Variants in ZNF846 observed in about 807,000 individuals in gnomAD.
The protein encoded by ZNF846 is zinc finger protein 420 pseudogene.
A neutral mutation model predicts 16.0 loss-of-function variants in ZNF846; 15 were observed. That is an observed-to-expected ratio of 0.94 (90% CI 0.63 to 1.45). The LOEUF (loss-of-function observed/expected upper bound fraction) is 1.45, where lower values mean the gene tolerates loss of function less well. ZNF846 is among the 40% of genes most tolerant of loss of function. The pLI is 0.00. For missense variants in ZNF846, 714 were observed against 622.3 expected (o/e 1.15, Z -1.57); for synonymous variants, 229 against 212.0 (o/e 1.08, Z -0.70).
At chr19:9,767,918 A>C (rs1420502813) in intron 1 of ZNF846, among the ~76,000 whole-genome samples, 1 of 152,156 alleles carries the variant, frequency 6.6e-6, no homozygotes, top group Non-Finnish European at 1.5e-5. Context: ...GGGCAATAAG[A>C]GCGAAACTCC....
chr19:9,758,725 G>C, exon 6 of ZNF846: 1 of 1,598,454 alleles, frequency 6.3e-7, no homozygotes, highest in Non-Finnish European at 8.5e-7. Context: ...TTTCCAGAAT[G>C]GTTAGAGTCA....
chr19:9,763,582 A>T, intron 2 of ZNF846, 174 bp from the exon 3 acceptor site: 1 of 469,958 alleles, frequency 2.1e-6, no homozygotes, highest in Non-Finnish European at 3.7e-6. Context: ...TGGACTTATC[A>T]GCATCACTGA....
At chr19:9,753,816 G>T (rs544067141), downstream of ZNF846, among the ~76,000 whole-genome samples, 1 of 151,694 alleles carries the variant, frequency 6.6e-6, no homozygotes, top group South Asian at 2.1e-4. Flanking sequence ...TTTGTTTTGT[G>T]GCCTAACACA....
At chr19:9,765,648 G>A (rs933447965) in intron 1 of ZNF846, among the ~76,000 whole-genome samples, 1 of 152,074 alleles carries the variant, frequency 6.6e-6, no homozygotes, top group Non-Finnish European at 1.5e-5. Flanking sequence ...ACTCCAGCCT[G>A]GGTGACAGAG....
intron 3 of ZNF846, 74 bp downstream of exon 3, chr19:9,763,208 C>G (rs2045259219): frequency 7.1e-7 from 1 of 1,406,570 alleles, no homozygotes; most frequent in African/African-American, 1.5e-5. Context: ...ATTACAGTAC[C>G]CTCATTTGAC....
chr19:9,752,793 C>T (rs1399028169), downstream of ZNF846, among the ~76,000 whole-genome samples: 1 of 151,786 alleles, frequency 6.6e-6, no homozygotes, highest in Non-Finnish European at 1.5e-5. Flanking sequence ...TTCTGTGAAA[C>T]ATTCCTTGGC....
chr19:9,767,606 A>T (rs2045338499), intron 1 of ZNF846, among the ~76,000 whole-genome samples: 1 of 152,074 alleles, frequency 6.6e-6, no homozygotes, highest in Non-Finnish European at 1.5e-5. Flanking sequence ...ACAAACCAAG[A>T]CCCTGTCTTT....
intron 1 of ZNF846, among the ~76,000 whole-genome samples, chr19:9,774,202 C>T (rs2045413620): frequency 6.6e-6 from 1 of 152,172 alleles, no homozygotes; most frequent in Non-Finnish European, 1.5e-5. Flanking sequence ...GGCGCAGTGT[C>T]TTATGCCTGT....
rs147754920 is a variant in ZNF846, at chr19:9,759,119, T to C, written c.313-355A>G. On this transcript the variant is annotated intron_variant, in intron 5 of 5. Transcript: ENST00000397902. ...TTCAAGGGATTCTCAGGCCTCAGCC[T>C]CCCAAGTAGCTAGGATTACAGGCAT... is the stretch of plus-strand genomic sequence containing the variant. Among the ~76,000 whole-genome samples, 329 of 151,904 alleles carry C rather than the reference T, an allele frequency of 2.2e-3. 7 individuals carry two copies. The highest frequency in any genetic ancestry group is 7.2e-3 in the African/African-American group (296 of 41,176).
At chr19:9,765,443 C>A (rs538026966) in intron 1 of ZNF846, among the ~76,000 whole-genome samples, 3 of 151,942 alleles carry the variant, frequency 2.0e-5, no homozygotes, top group Non-Finnish European at 2.9e-5. Flanking sequence ...GAGGCCGAGG[C>A]GGGTGGATCA....
chr19:9,783,540 A>ATAT (rs1415322257), intron 1 of ZNF846, among the ~76,000 whole-genome samples: 1,442 of 120,114 alleles, frequency 0.012, 21 homozygotes, highest in African/African-American at 0.049. Context: ...AAAAAAAAAA[A>ATAT]AAAAATATAT....
intron 1 of ZNF846, among the ~76,000 whole-genome samples, chr19:9,784,361 G>A (rs562815510): frequency 7.9e-5 from 12 of 152,262 alleles, no homozygotes; most frequent in African/African-American, 2.4e-4. Flanking sequence ...TTTAAGGAAC[G>A]GTGCTGTGCC....
At chr19:9,764,597 G>A (rs902529488) in intron 2 of ZNF846, among the ~76,000 whole-genome samples, 18 of 152,166 alleles carry the variant, frequency 1.2e-4, no homozygotes, top group Non-Finnish European at 2.5e-4. Context: ...GGTATATCCA[G>A]TGCATTGTTG....
chr19:9,759,679 G>C (rs2045190928), intron 5 of ZNF846, among the ~76,000 whole-genome samples, 181 bp downstream of exon 5: 3 of 151,710 alleles, frequency 2.0e-5, no homozygotes, highest in Non-Finnish European at 4.4e-5. Flanking sequence ...ATGTTTATTT[G>C]TGAGATCTCT....
At chr19:9,752,645 C>G (rs895885538), downstream of ZNF846, among the ~76,000 whole-genome samples, 1 of 145,672 alleles carries the variant, frequency 6.9e-6, no homozygotes, top group African/African-American at 2.5e-5. Flanking sequence ...ATTCTTATTG[C>G]TTCTTTCAGT....
downstream of ZNF846, among the ~76,000 whole-genome samples, chr19:9,757,091 A>G (rs1048248472): frequency 6.6e-6 from 1 of 151,310 alleles, no homozygotes; most frequent in Admixed American, 6.6e-5. Flanking sequence ...GCTACTCGGG[A>G]GGCTGAGGTG....
Position 9,764,923 on chromosome 19 carries a change from G to T in ZNF846, c.15+13C>A, listed in dbSNP as rs568719357. The T allele has an allele frequency of 6.6e-5, 107 of 1,613,970 alleles. No homozygotes were observed. The highest frequency in any genetic ancestry group is 8.4e-5 in the Non-Finnish European group (99 of 1,179,972). On this transcript the variant is annotated intron_variant, in intron 2 of 5. Transcript: ENST00000397902. ...AGCATAACATTTTGAAGTTAGGTCTGCTTTCCACTTGCCTGAGAAGAATCC... is the reference window on the plus strand; with the variant it reads ...AGCATAACATTTTGAAGTTAGGTCTTCTTTCCACTTGCCTGAGAAGAATCC...
downstream of ZNF846, among the ~76,000 whole-genome samples, chr19:9,754,564 TAA>T (rs545236944): frequency 2.1e-4 from 19 of 88,696 alleles, no homozygotes; most frequent in South Asian, 3.6e-4. Context: ...GACTCTGTCT[TAA>T]AAAAAAAAAA....
At chr19:9,750,107 A>G (rs977386402), downstream of ZNF846, among the ~76,000 whole-genome samples, 97 of 152,224 alleles carry the variant, frequency 6.4e-4, no homozygotes, top group African/African-American at 2.2e-3. Context: ...ACACACTACC[A>G]AACAGATGGG....
Sources: gnomAD v4.1 joint callset for allele counts (sites outside exome capture counted in the v4.1 genomes callset) on GRCh38, gnomAD v4.1.1 for gene constraint, MANE v1.5 for transcripts, NCBI Gene and HGNC (gene_info 2026-07-23, HGNC 2026-07-21) for gene names.